Variants in ECPAS observed in about 807,000 individuals in gnomAD.
The protein encoded by ECPAS is proteasome adapter and scaffold protein ECM29.
A neutral mutation model predicts 255.1 loss-of-function variants in ECPAS; 70 were observed. That is an observed-to-expected ratio of 0.27 (90% CI 0.23 to 0.33). The LOEUF is 0.33. ECPAS is among the 10% of genes least tolerant of loss of function. The probability of loss-of-function intolerance (pLI) is 1.00; values close to 1 mark genes in which losing one functional copy is unlikely to be tolerated. For synonymous variants in ECPAS, 784 were observed against 775.0 expected, an observed-to-expected ratio of 1.01 and a Z score of -0.19; for missense variants, 1,817 against 2,206.4, an observed-to-expected ratio of 0.82 and a Z score of 3.54.
At position 111,366,580 on chromosome 9, in the gene ECPAS, G is replaced by C. The variant is rs536516411; in HGVS notation, c.5161C>G (p.Leu1721Val). 1 of 1,613,368 alleles carries C rather than the reference G, an allele frequency of 6.2e-7. No individual in the cohort carries two copies. The highest frequency in any genetic ancestry group is 1.3e-5 in the African/African-American group (1 of 74,996). Residue 1721 changes from leucine to valine, a missense_variant, in exon 47 of 50, where the codon CTC (leucine) becomes GTC (valine). Around this residue, in one of 4 missense-constraint regions of ECPAS, gnomAD observed 960 missense variants for 1,179.0 expected, o/e 0.81. Transcript: ENST00000684092. Reference sequence around the variant, plus strand: ...CCTAGCTGCACTTTCCACGTGCTGAGTTTTAGCCGTTCACACATCAGTTTG... The same window carrying C: ...CCTAGCTGCACTTTCCACGTGCTGACTTTTAGCCGTTCACACATCAGTTTG... ...LCKLMCERLK[L>V]STWKVQLGVL...
At chr9:111,363,498 T>C (rs940881293) in intron 49 of ECPAS, 90 bp downstream of exon 49, 6 of 731,128 alleles carry the variant, frequency 8.2e-6, no homozygotes, top group South Asian at 1.5e-5. Context: ...AGTATATGCT[T>C]AAGAGTATAA....
chr9:111,469,256 G>A (rs1428061023), intron 2 of ECPAS, among the ~76,000 whole-genome samples: 5 of 151,994 alleles, frequency 3.3e-5, no homozygotes, highest in Admixed American at 6.6e-5. Context: ...CAAAGCAGCC[G>A]GGTGCAGTGG....
At chr9:111,420,159 G>A (rs767997292) in intron 15 of ECPAS, 39 bp from the exon 16 acceptor site, 209 of 1,330,926 alleles carry the variant, frequency 1.6e-4, no homozygotes, top group Non-Finnish European at 1.9e-4. Flanking sequence ...ACCCCGATCC[G>A]AAAAAGGAAA....
At chr9:111,395,092 T>C (rs73656241) in intron 25 of ECPAS, among the ~76,000 whole-genome samples, 8,475 of 152,218 alleles carry the variant, frequency 0.056, 571 homozygotes, top group African/African-American at 0.15. Flanking sequence ...ACATGGTCAA[T>C]TCCCCTCCGC....
At chr9:111,387,720 C>CTCA (rs1250021632) in intron 31 of ECPAS, among the ~76,000 whole-genome samples, 11 of 141,000 alleles carry the variant, frequency 7.8e-5, no homozygotes, top group Admixed American at 2.2e-4. Context: ...CAGTGTCTCA[C>CTCA]TCGTCAGTGC....
At chr9:111,481,849 A>G (rs931154030) in intron 1 of ECPAS, among the ~76,000 whole-genome samples, 2 of 152,262 alleles carry the variant, frequency 1.3e-5, no homozygotes, top group African/African-American at 4.8e-5. Context: ...AAAACCAGTC[A>G]CAAATTCTGT....
At chr9:111,386,134 T>G (rs1006443638) in intron 32 of ECPAS, among the ~76,000 whole-genome samples, 1 of 152,188 alleles carries the variant, frequency 6.6e-6, no homozygotes, top group African/African-American at 2.4e-5. Context: ...CAGCTGATTT[T>G]TGTATTTTTA....
chr9:111,431,680 T>C (rs926684694), intron 8 of ECPAS, among the ~76,000 whole-genome samples: 4 of 151,182 alleles, frequency 2.6e-5, no homozygotes, highest in African/African-American at 9.7e-5. Flanking sequence ...TGGTTTACCA[T>C]ACTATATTCT....
chr9:111,483,571 G>A, intron 1 of ECPAS: 2 of 791,320 alleles, frequency 2.5e-6, no homozygotes, highest in Non-Finnish European at 3.0e-6. Flanking sequence ...ACGAGGGAGG[G>A]GCTGGGGGGG....
chr9:111,454,700 TTTC>T lies in ECPAS; in HGVS notation c.23-3148_23-3146del, dbSNP rs1455307581. 3.3e-5 allele frequency among the ~76,000 whole-genome samples: 5 copies of T among 151,964 alleles called. No homozygotes were observed. In the South Asian group the frequency reaches 1.0e-3, roughly 32 times the overall value. On this transcript the variant is annotated intron_variant, in intron 2 of 49. Coordinates refer to ENST00000684092, the MANE Select transcript of ECPAS (RefSeq NM_001364929.1). ...CATCTACAGATATAACTGCTATATT[TTTC>T]TTTTCCTTTTTTTTTTTTTTTAAAT...
intron 2 of ECPAS, among the ~76,000 whole-genome samples, chr9:111,458,456 A>T (rs1289718620): frequency 6.6e-6 from 1 of 152,202 alleles, no homozygotes; most frequent in African/African-American, 2.4e-5. Flanking sequence ...TTTGTTATTC[A>T]TGGTGGGACC....
In ECPAS at chr9:111,361,051, A is replaced by C. The variant is rs1452939585; in HGVS notation, c.*979T>G. ...GTTCTTTTGAGAAAAGGCATTTTTT[A>C]AAAGAGTAATTCCCAGGTGGCTAAT... On this transcript the variant is annotated 3_prime_UTR_variant, in exon 50 of 50. Coordinates refer to ENST00000684092, the MANE Select transcript of ECPAS (RefSeq NM_001364929.1). 6.6e-6 allele frequency: 1 copy of C among 152,214 alleles called. No individual in the cohort carries two copies. Among genetic ancestry groups the C allele is most frequent in the Non-Finnish European group, 1.5e-5 (1 of 68,034 alleles). The allele number at this position is 152,214 out of a possible 1,614,324, so 9.4% of individuals were successfully genotyped here.
chr9:111,400,075 GGA>G (rs1564518545), intron 24 of ECPAS, among the ~76,000 whole-genome samples: 1 of 152,196 alleles, frequency 6.6e-6, no homozygotes, highest in African/African-American at 2.4e-5. Context: ...TCTACCTGGG[GGA>G]GAGAGAGGGA....
At chr9:111,454,745 G>A (rs1336717277) in intron 2 of ECPAS, among the ~76,000 whole-genome samples, 2 of 149,278 alleles carry the variant, frequency 1.3e-5, no homozygotes, top group Non-Finnish European at 3.0e-5. Context: ...GGGTCTTGCT[G>A]ACACCCAGGC....
At chr9:111,428,843 C>T (rs1034884594) in intron 9 of ECPAS, among the ~76,000 whole-genome samples, 1 of 152,128 alleles carries the variant, frequency 6.6e-6, no homozygotes, top group African/African-American at 2.4e-5. Flanking sequence ...TTATCTTACT[C>T]TGAATGGCTC....
chr9:111,457,665 G>T (rs149749254), intron 2 of ECPAS, among the ~76,000 whole-genome samples: 1 of 152,122 alleles, frequency 6.6e-6, no homozygotes, highest in Non-Finnish European at 1.5e-5. Context: ...GACAATGGTA[G>T]GAAAAGGCTT....
At chr9:111,434,951 T>C (rs1027603592) in intron 7 of ECPAS, among the ~76,000 whole-genome samples, 8 of 133,898 alleles carry the variant, frequency 6.0e-5, no homozygotes, top group Non-Finnish European at 9.2e-5. Context: ...CAGGATGGAG[T>C]GTCATGGCAC....
chr9:111,448,111 ACATG>A (rs1385994000), intron 3 of ECPAS, among the ~76,000 whole-genome samples: 16 of 152,350 alleles, frequency 1.1e-4, no homozygotes, highest in Non-Finnish European at 2.4e-4. Context: ...ATTACATATT[ACATG>A]CATGTATCAA....
At chr9:111,404,050 T>A (rs2098180253) in intron 24 of ECPAS, among the ~76,000 whole-genome samples, 1 of 149,628 alleles carries the variant, frequency 6.7e-6, no homozygotes, top group Admixed American at 6.6e-5. Flanking sequence ...AAATTTAAAA[T>A]TTCTTGATAA....
Sources: gnomAD v4.1 joint callset for allele counts (sites outside exome capture counted in the v4.1 genomes callset) on GRCh38, gnomAD v4.1.1 for gene constraint, gnomAD v4.1.1 regional missense constraint, MANE v1.5 for transcripts, NCBI Gene and HGNC (gene_info 2026-07-23, HGNC 2026-07-21) for gene names.